Variants in JMJD1C observed in about 807,000 individuals in gnomAD.
JMJD1C encodes the protein jumonji domain containing 1C.
JMJD1C carries 31 observed loss-of-function variants against 245.3 expected under a neutral mutation model. The observed-to-expected ratio is 0.13, with a 90% CI of 0.09 to 0.17. The LOEUF is 0.17. Ranked by LOEUF, JMJD1C falls within the 10% of genes least tolerant of loss-of-function variation. The probability of loss-of-function intolerance (pLI) is 1.00; values close to 1 mark genes in which losing one functional copy is unlikely to be tolerated. For missense variants in JMJD1C, 2,691 were observed against 3,000.2 expected (o/e 0.90, Z 2.41); for synonymous variants, 1,057 against 1,017.4 (o/e 1.04, Z -0.74).
chr10:63,314,953 TTTG>T (rs1211835019), intron 2 of JMJD1C, among the ~76,000 whole-genome samples: 172 of 104,112 alleles, frequency 1.7e-3, no homozygotes, highest in Non-Finnish European at 2.7e-3. Flanking sequence ...CCCAGCCTTT[TTTG>T]TTTTTTTTTT....
At chr10:63,495,247 A>G (rs1198818422) in intron 1 of JMJD1C, among the ~76,000 whole-genome samples, 1 of 152,020 alleles carries the variant, frequency 6.6e-6, no homozygotes, top group East Asian at 1.9e-4. Context: ...GTCAGGACAT[A>G]TATGAGATAA....
At chr10:63,521,832 G>C (rs1435863580) in exon 1 of JMJD1C, 2 of 110,842 alleles carry the variant, frequency 1.8e-5, no homozygotes, top group Admixed American at 2.4e-4. Flanking sequence ...GGCGCTGCTC[G>C]GCTGCGTGCG....
intron 2 of JMJD1C, among the ~76,000 whole-genome samples, chr10:63,295,969 G>A (rs1284820077): frequency 0.051 from 1,130 of 22,000 alleles, 15 homozygotes; most frequent in African/African-American, 0.15. Context: ...ATGTGTGTGT[G>A]TGTGTGTGTG....
At chr10:63,331,176 T>C (rs749597664) in intron 2 of JMJD1C, among the ~76,000 whole-genome samples, 37 of 152,182 alleles carry the variant, frequency 2.4e-4, no homozygotes, top group Non-Finnish European at 1.0e-4. Context: ...CATTTCTTAT[T>C]ATTCTCCTAG....
intron 1 of JMJD1C, among the ~76,000 whole-genome samples, chr10:63,383,400 T>C (rs1947361781): frequency 6.6e-6 from 1 of 152,176 alleles, no homozygotes; most frequent in Non-Finnish European, 1.5e-5. Flanking sequence ...AACAGCTGGC[T>C]ATTTCTAATA....
intron 3 of JMJD1C, among the ~76,000 whole-genome samples, chr10:63,223,580 T>G (rs1438814379): frequency 6.6e-6 from 1 of 152,164 alleles, no homozygotes; most frequent in African/African-American, 2.4e-5. Context: ...GTACACCTTA[T>G]AAAACCAGTT....
At chr10:63,464,864 C>T (rs1246544974) in intron 1 of JMJD1C, among the ~76,000 whole-genome samples, 1 of 152,130 alleles carries the variant, frequency 6.6e-6, no homozygotes, top group Non-Finnish European at 1.5e-5. Context: ...GATTACCCTC[C>T]ATACCAAAAT....
intron 2 of JMJD1C, among the ~76,000 whole-genome samples, chr10:63,348,205 CAA>C (rs35674300): frequency 0.7 from 90,390 of 129,868 alleles, 30,933 homozygotes; most frequent in Non-Finnish European, 0.77. Context: ...GACTTCATCT[CAA>C]AAAAAAAAAA....
intron 18 of JMJD1C, among the ~76,000 whole-genome samples, chr10:63,187,353 A>T (rs1844248551): frequency 6.6e-6 from 1 of 152,178 alleles, no homozygotes; most frequent in Non-Finnish European, 1.5e-5. Context: ...CAGCTTGTTA[A>T]AAGTAAATTT....
chr10:63,218,656 G>A (rs1481264685), intron 4 of JMJD1C, among the ~76,000 whole-genome samples: 1 of 152,028 alleles, frequency 6.6e-6, no homozygotes, highest in Non-Finnish European at 1.5e-5. Context: ...AATGAATAGG[G>A]ACTATACTGC....
In JMJD1C at chr10:63,213,975, G is replaced by T. The variant is rs762800586; in HGVS notation, c.2192C>A (p.Pro731His). 6.2e-7 allele frequency: 1 copy of T among 1,614,156 alleles called. No individual in the cohort carries two copies. The highest frequency in any genetic ancestry group is 8.5e-7 in the Non-Finnish European group (1 of 1,179,988). The change falls in exon 8 of 26, where the codon CCT becomes CAT. Residue 731 changes from proline to histidine, a missense_variant. Pro to His is a moderately conservative substitution (Grantham distance 77). Coordinates refer to ENST00000399262, the MANE Select transcript of JMJD1C (RefSeq NM_032776.3). ...GSETGANHIS[P>H]FLSQHPFPLH... is the part of the protein sequence containing the mutation. ...AGGAAAAGGATGCTGGCTTAGGAAA[G>T]GTGAAATATGATTAGCTCCTGTTTC...
intron 2 of JMJD1C, among the ~76,000 whole-genome samples, chr10:63,278,840 C>CA (rs113538798): frequency 0.011 from 924 of 83,682 alleles, 5 homozygotes; most frequent in East Asian, 0.045. Context: ...ACTCCCATCT[C>CA]AAAAAAAAAA....
intron 1 of JMJD1C, among the ~76,000 whole-genome samples, chr10:63,410,038 T>C (rs1378881036): frequency 6.6e-6 from 1 of 152,154 alleles, no homozygotes; most frequent in African/African-American, 2.4e-5. Context: ...GAAAAGATCA[T>C]ATAAGGAAGT....
intron 22 of JMJD1C, among the ~76,000 whole-genome samples, chr10:63,179,715 G>A (rs1011128340): frequency 5.9e-5 from 9 of 151,592 alleles, no homozygotes; most frequent in Non-Finnish European, 1.0e-4. Flanking sequence ...TGAAGCTGCA[G>A]TGAGCTGAGT....
At chr10:63,304,875 T>C (rs1937790474) in intron 2 of JMJD1C, among the ~76,000 whole-genome samples, 1 of 152,212 alleles carries the variant, frequency 6.6e-6, no homozygotes. Context: ...GGCTCACATC[T>C]GTAATTCCAG....
At chr10:63,221,416 C>G (rs1848584270) in intron 3 of JMJD1C, among the ~76,000 whole-genome samples, 1 of 152,044 alleles carries the variant, frequency 6.6e-6, no homozygotes, top group South Asian at 2.1e-4. Flanking sequence ...AGCCAACAGG[C>G]CAAAGTAAGG....
chr10:63,237,030 TTTTTG>T (rs541171365), intron 3 of JMJD1C, among the ~76,000 whole-genome samples: 25 of 152,112 alleles, frequency 1.6e-4, no homozygotes, highest in East Asian at 1.2e-3. Context: ...ACAAACACTG[TTTTTG>T]TTTTGTTTTG....
Position 63,207,062 on chromosome 10 carries a change from C to G in JMJD1C, c.4607G>C (p.Gly1536Ala). Residue 1536 changes from glycine to alanine, a missense_variant, in exon 10 of 26, where the codon GGG becomes GCG. Coordinates refer to ENST00000399262, the MANE Select transcript of JMJD1C (RefSeq NM_032776.3). ...TGGTTGACTTGTCTGGGAAGCTTGC[C>G]CATTTCCTACAGAGTTTGCTTTGTT... is the stretch of plus-strand genomic sequence containing the variant. Reference protein sequence around the residue: ...TINKANSVGNGQASQTSQPNY... With the variant: ...TINKANSVGNAQASQTSQPNY... 2 of 1,614,126 alleles carry G rather than the reference C, an allele frequency of 1.2e-6. No homozygotes were observed. Among genetic ancestry groups the G allele is most frequent in the Non-Finnish European group, 1.7e-6 (2 of 1,180,020 alleles).
chr10:63,183,830 G>A (rs1843766470), intron 21 of JMJD1C, among the ~76,000 whole-genome samples: 1 of 152,118 alleles, frequency 6.6e-6, no homozygotes, highest in African/African-American at 2.4e-5. Flanking sequence ...CTATATATTG[G>A]CTGTTAATTC....
Sources: gnomAD v4.1 joint callset for allele counts (sites outside exome capture counted in the v4.1 genomes callset) on GRCh38, gnomAD v4.1.1 for gene constraint, MANE v1.5 for transcripts, NCBI Gene and HGNC (gene_info 2026-07-23, HGNC 2026-07-21) for gene names.